The following SLC1A6 variants were observed in gnomAD, a reference collection of about 807,000 sequenced individuals.
SLC1A6 encodes the protein solute carrier family 1 member 6, also known as excitatory amino acid transporter 4.
A neutral mutation model predicts 42.1 loss-of-function variants in SLC1A6; 15 were observed. The ratio of observed to expected loss-of-function variants is 0.36; its 90% CI spans 0.24 to 0.55. The LOEUF (loss-of-function observed/expected upper bound fraction) is 0.55, where lower values mean the gene tolerates loss of function less well. SLC1A6 is among the 20% of genes least tolerant of loss of function. The pLI is 0.88. For missense variants in SLC1A6, 542 were observed against 772.5 expected, an observed-to-expected ratio of 0.70 and a Z score of 3.54; for synonymous variants, 317 against 319.7, an observed-to-expected ratio of 0.99 and a Z score of 0.09.
chr19:14,998,711 G>T (rs1006448794), intron 1 of SLC1A6, among the ~76,000 whole-genome samples: 6 of 152,020 alleles, frequency 3.9e-5, no homozygotes, highest in African/African-American at 1.4e-4. Flanking sequence ...GTATTTCTTT[G>T]ACATATTTTG....
At chr19:14,994,345 G>C (rs925652230) in intron 1 of SLC1A6, among the ~76,000 whole-genome samples, 4 of 152,098 alleles carry the variant, frequency 2.6e-5, no homozygotes, top group Non-Finnish European at 5.9e-5. Context: ...ACAAGGTCCT[G>C]GCTGGCAGCC....
chr19:15,002,688 G>A (rs1015270214), intron 1 of SLC1A6, among the ~76,000 whole-genome samples: 2 of 152,182 alleles, frequency 1.3e-5, no homozygotes, highest in Non-Finnish European at 2.9e-5. Flanking sequence ...TATTTGAGGG[G>A]TGGATGGCGG....
intron 6 of SLC1A6, among the ~76,000 whole-genome samples, chr19:14,958,139 G>T (rs908810725): frequency 7.2e-5 from 11 of 152,106 alleles, no homozygotes; most frequent in African/African-American, 2.7e-4. Flanking sequence ...GGCTGGGCAT[G>T]GTGGCTCATG....
At chr19:14,997,698 C>A (rs1034849673) in intron 1 of SLC1A6, among the ~76,000 whole-genome samples, 1 of 152,074 alleles carries the variant, frequency 6.6e-6, no homozygotes, top group African/African-American at 2.4e-5. Context: ...GCTAAAGGAG[C>A]AGAAGCCATT....
intron 7 of SLC1A6, among the ~76,000 whole-genome samples, 184 bp downstream of exon 7, chr19:14,956,292 G>A (rs1173280246): frequency 6.6e-6 from 1 of 152,140 alleles, no homozygotes; most frequent in Admixed American, 6.5e-5. Flanking sequence ...AGGAGAAAAG[G>A]AGACCAGGAG....
chr19:14,988,335 G>T (rs973321536), intron 1 of SLC1A6, among the ~76,000 whole-genome samples: 1 of 152,192 alleles, frequency 6.6e-6, no homozygotes, highest in Non-Finnish European at 1.5e-5. Flanking sequence ...TAGAAGAGAA[G>T]TGATCTCCCT....
intron 6 of SLC1A6, among the ~76,000 whole-genome samples, chr19:14,960,959 A>G (rs1239000862): frequency 7.3e-6 from 1 of 136,618 alleles, no homozygotes; most frequent in Non-Finnish European, 1.5e-5. Context: ...ACTGGGTCTC[A>G]TTCTGTCACC....
rs375153040 is a variant in SLC1A6, at chr19:14,971,919, C to T, written c.206-45G>A. ...TCCATGGACTGAAGTCTGGGTCGCT[C>T]AGCCCCAGGCAGGGTCCATCCATCC... On this transcript the variant is annotated intron_variant, in intron 2 of 9. Transcript: ENST00000594383. The T allele has an allele frequency of 9.4e-6, 15 of 1,604,034 alleles. No individual in the cohort carries two copies. The Admixed American group carries it at 1.5e-4, about 16-fold the overall frequency.
At chr19:14,962,871 C>T (rs1351777585) in intron 5 of SLC1A6, among the ~76,000 whole-genome samples, 1 of 152,052 alleles carries the variant, frequency 6.6e-6, no homozygotes, top group Non-Finnish European at 1.5e-5. Context: ...CCACTGCACT[C>T]CAACCTGGCG....
chr19:14,950,266 G>C lies in SLC1A6; in HGVS notation c.1624C>G (p.Pro542Ala). Reference sequence around the variant, plus strand: ...TCCTGTGCCATGAGGGACTTGTAGGGTTTCCCCAGGCTGGGGAGGGTAAGC... The same window carrying C: ...TCCTGTGCCATGAGGGACTTGTAGGCTTTCCCCAGGCTGGGGAGGGTAAGC... ...AELTLPSLGKPYKSLMAQEKG... is the reference protein window; with the variant it reads ...AELTLPSLGKAYKSLMAQEKG... The change falls in exon 10 of 10, where the codon CCC becomes GCC. Residue 542 changes from proline (P) to alanine (A), a missense_variant. Coordinates refer to ENST00000594383, the MANE Select transcript of SLC1A6 (RefSeq NM_005071.3). 6.2e-7 allele frequency: 1 copy of C among 1,611,934 alleles called. No individual in the cohort carries two copies. The highest frequency in any genetic ancestry group is 1.7e-4 in the Middle Eastern group (1 of 6,050).
Position 14,950,223 on chromosome 19 carries a change from C to A in SLC1A6, c.1667G>T (p.Gly556Val). Reference sequence around the variant, plus strand: ...CATAGCACTCTCGTTGCCTCCCCGTCCCCGGGATGCCCCCTTCTCCTGTGC... The same window carrying A: ...CATAGCACTCTCGTTGCCTCCCCGTACCCGGGATGCCCCCTTCTCCTGTGC... ...LMAQEKGASR[G>V]RGGNESAM Residue 556 changes from glycine to valine, a missense_variant, in exon 10 of 10, where the codon GGA (glycine) becomes GTA (valine). Coordinates refer to ENST00000594383, the MANE Select transcript of SLC1A6 (RefSeq NM_005071.3). 1 of 1,587,154 alleles carries A rather than the reference C, an allele frequency of 6.3e-7. No individual in the cohort carries two copies. Among genetic ancestry groups the A allele is most frequent in the Non-Finnish European group, 8.6e-7 (1 of 1,161,642 alleles).
At chr19:14,975,822 AAAGGG>A (rs1353244913) in intron 1 of SLC1A6, among the ~76,000 whole-genome samples, 7 of 116,084 alleles carry the variant, frequency 6.0e-5, no homozygotes, top group African/African-American at 1.1e-4. Context: ...GGAAGGGGAC[AAAGGG>A]AAGGGAAGGG....
At chr19:14,955,575 C>T (rs1244457568) in intron 7 of SLC1A6, among the ~76,000 whole-genome samples, 1 of 151,656 alleles carries the variant, frequency 6.6e-6, no homozygotes, top group African/African-American at 2.4e-5. Flanking sequence ...GTGGAGATCA[C>T]ACCACTGCAC....
intron 1 of SLC1A6, among the ~76,000 whole-genome samples, chr19:14,995,357 GAA>G (rs2045840697): frequency 1.6e-5 from 2 of 126,424 alleles, no homozygotes; most frequent in African/African-American, 6.2e-5. Context: ...AAGAAAGAAA[GAA>G]AGAAAGAAAA....
chr19:14,957,142 G>A (rs1380906349), intron 6 of SLC1A6, among the ~76,000 whole-genome samples: 2 of 152,124 alleles, frequency 1.3e-5, no homozygotes, highest in African/African-American at 4.8e-5. Context: ...TTTGAAATGT[G>A]TATGCCCCTA....
intron 1 of SLC1A6, among the ~76,000 whole-genome samples, chr19:14,994,221 C>A (rs75018121): frequency 6.6e-6 from 1 of 152,024 alleles, no homozygotes; most frequent in Non-Finnish European, 1.5e-5. Flanking sequence ...TGGCTTCAAG[C>A]AATGGGAAGC....
intron 1 of SLC1A6, among the ~76,000 whole-genome samples, chr19:14,999,682 G>A (rs150509909): frequency 6.6e-5 from 10 of 152,196 alleles, no homozygotes; most frequent in Non-Finnish European, 1.0e-4. Context: ...AGTACACACA[G>A]TCTCCAACTT....
At chr19:14,993,058 G>A (rs921973020) in intron 1 of SLC1A6, among the ~76,000 whole-genome samples, 1 of 152,118 alleles carries the variant, frequency 6.6e-6, no homozygotes, top group Non-Finnish European at 1.5e-5. Context: ...GGAGGACCAG[G>A]TCTCCCCGTC....
At chr19:15,007,511 C>T (rs2045901406) in intron 1 of SLC1A6, among the ~76,000 whole-genome samples, 1 of 151,720 alleles carries the variant, frequency 6.6e-6, no homozygotes, top group South Asian at 2.1e-4. Context: ...CTGAATTGTG[C>T]ACCTTAAAAT....
Sources: gnomAD v4.1 joint callset for allele counts (sites outside exome capture counted in the v4.1 genomes callset) on GRCh38, gnomAD v4.1.1 for gene constraint, MANE v1.5 for transcripts, NCBI Gene and HGNC (gene_info 2026-07-23, HGNC 2026-07-21) for gene names.